The following ATP9B variants were observed in gnomAD, a reference collection of about 807,000 sequenced individuals.
ATP9B encodes ATPase phospholipid transporting 9B.
ATP9B carries 110 observed loss-of-function variants against 146.1 expected under a neutral mutation model. The observed-to-expected ratio is 0.75, with a 90% CI of 0.65 to 0.88. The LOEUF (loss-of-function observed/expected upper bound fraction) is 0.88, where lower values mean the gene tolerates loss of function less well. Among genes scored for constraint, ATP9B ranks in the 40% least tolerant of loss-of-function variants. The probability of loss-of-function intolerance (pLI) is 0.00; values close to 1 mark genes in which losing one functional copy is unlikely to be tolerated. For missense variants in ATP9B, 1,499 were observed against 1,496.4 expected (o/e 1.00, Z -0.03); for synonymous variants, 604 against 569.7 (o/e 1.06, Z -0.86).
chr18:79,141,735 T>G (rs2094516755), intron 5 of ATP9B, among the ~76,000 whole-genome samples: 1 of 152,234 alleles, frequency 6.6e-6, no homozygotes, highest in Non-Finnish European at 1.5e-5. Context: ...TTTCTGTTTT[T>G]ACCAGCCTCT....
intron 11 of ATP9B, among the ~76,000 whole-genome samples, chr18:79,235,888 C>G: frequency 6.6e-6 from 1 of 152,112 alleles, no homozygotes; most frequent in East Asian, 1.9e-4. Flanking sequence ...TATGCAGCCA[C>G]GGATTTCTAC....
intron 12 of ATP9B, among the ~76,000 whole-genome samples, chr18:79,268,868 A>G (rs2096229545): frequency 6.6e-6 from 1 of 152,066 alleles, no homozygotes; most frequent in African/African-American, 2.4e-5. Flanking sequence ...CCTTCTTGGA[A>G]AATAGTTTCA....
intron 25 of ATP9B, chr18:79,354,551 A>G (rs893149326): frequency 1.5e-5 from 2 of 131,952 alleles, no homozygotes; most frequent in African/African-American, 5.8e-5. Flanking sequence ...CCTGGGCCAC[A>G]GAGTGAGACC....
chr18:79,342,612 T>A (rs372566799), intron 20 of ATP9B, among the ~76,000 whole-genome samples: 5,898 of 151,858 alleles, frequency 0.039, 155 homozygotes, highest in Non-Finnish European at 0.05. Context: ...AAATAATTAA[T>A]TAATTAAAAA....
At chr18:79,229,749 C>T (rs1285252809) in intron 11 of ATP9B, among the ~76,000 whole-genome samples, 1 of 152,184 alleles carries the variant, frequency 6.6e-6, no homozygotes, top group African/African-American at 2.4e-5. Context: ...AAGTTACATT[C>T]TTAAACCTTA....
At chr18:79,323,848 G>A (rs950620230) in intron 15 of ATP9B, among the ~76,000 whole-genome samples, 11 of 152,178 alleles carry the variant, frequency 7.2e-5, no homozygotes, top group Admixed American at 5.2e-4. Context: ...ATTATATGGT[G>A]GCTCTGTGTT....
At chr18:79,086,429 C>G (rs1267610453) in intron 1 of ATP9B, 1 of 8,576 alleles carries the variant, frequency 1.2e-4, no homozygotes, top group African/African-American at 5.2e-4. Context: ...GAGCAAGGCT[C>G]TATCTCAAAA....
At chr18:79,304,255 T>G (rs1242259151) in intron 14 of ATP9B, among the ~76,000 whole-genome samples, 1 of 152,158 alleles carries the variant, frequency 6.6e-6, no homozygotes, top group Non-Finnish European at 1.5e-5. Context: ...TCACATTCTT[T>G]CATCTGTAAA....
At chr18:79,296,849 C>T (rs372058119) in intron 13 of ATP9B, among the ~76,000 whole-genome samples, 97 of 152,212 alleles carry the variant, frequency 6.4e-4, no homozygotes, top group Middle Eastern at 3.4e-3. Context: ...GGGAGATGCA[C>T]GCTCAGCAGC....
intron 8 of ATP9B, among the ~76,000 whole-genome samples, chr18:79,189,745 C>T (rs1185112238): frequency 6.6e-6 from 1 of 152,258 alleles, no homozygotes; most frequent in Non-Finnish European, 1.5e-5. Flanking sequence ...TGGGCAGCCA[C>T]AGCTGCAGAC....
At chr18:79,259,051 C>G (rs2145235768) in intron 12 of ATP9B, among the ~76,000 whole-genome samples, 1 of 152,248 alleles carries the variant, frequency 6.6e-6, no homozygotes. Flanking sequence ...AATCTGTTGT[C>G]CTAACACTCT....
chr18:79,164,946 C>T (rs530197188), intron 7 of ATP9B, among the ~76,000 whole-genome samples: 10 of 152,198 alleles, frequency 6.6e-5, no homozygotes, highest in African/African-American at 2.2e-4. Flanking sequence ...TTTGCATGGA[C>T]ATTTTAGTTG....
intron 19 of ATP9B, among the ~76,000 whole-genome samples, chr18:79,341,296 C>T (rs111608871): frequency 6.6e-5 from 9 of 137,094 alleles, no homozygotes; most frequent in Admixed American, 3.7e-4. Context: ...TGCCGACACA[C>T]CATTTAGTTG....
chr18:79,355,618 T>G (rs2096947214), intron 25 of ATP9B, among the ~76,000 whole-genome samples: 1 of 151,988 alleles, frequency 6.6e-6, no homozygotes, highest in African/African-American at 2.4e-5. Context: ...AAGATGGTAA[T>G]TCTACCGTTT....
chr18:79,231,803 T>TACATACATACACAC (rs1555777828), intron 11 of ATP9B, among the ~76,000 whole-genome samples: 1 of 114,758 alleles, frequency 8.7e-6, no homozygotes, highest in African/African-American at 3.4e-5. Flanking sequence ...TATATATATA[T>TACATACATACACAC]ACACACACAC....
At chr18:79,143,729 A>T (rs976856414) in intron 5 of ATP9B, 73 bp from the exon 6 acceptor site, 2 of 949,014 alleles carry the variant, frequency 2.1e-6, no homozygotes, top group Non-Finnish European at 3.1e-6. Flanking sequence ...TAAAGTAATT[A>T]TTTTTTAATT....
chr18:79,077,776 C>A (rs1329051819), intron 1 of ATP9B, among the ~76,000 whole-genome samples: 1 of 152,222 alleles, frequency 6.6e-6, no homozygotes, highest in Non-Finnish European at 1.5e-5. Context: ...GTCCTCTCTA[C>A]TTTACCCTGT....
intron 21 of ATP9B, among the ~76,000 whole-genome samples, 172 bp downstream of exon 21, chr18:79,344,526 GTC>G (rs1265025550): frequency 2.0e-5 from 3 of 152,062 alleles, no homozygotes; most frequent in African/African-American, 7.2e-5. Flanking sequence ...CCCAGTGTGT[GTC>G]TGTCTGTCCA....
intron 12 of ATP9B, chr18:79,254,150 A>C (rs1445945561): frequency 6.6e-6 from 1 of 152,348 alleles, no homozygotes; most frequent in South Asian, 2.1e-4. Context: ...TATGATTTAA[A>C]ATTTTCATAG....
Sources: gnomAD v4.1 joint callset for allele counts (sites outside exome capture counted in the v4.1 genomes callset) on GRCh38, gnomAD v4.1.1 for gene constraint, MANE v1.5 for transcripts, NCBI Gene and HGNC (gene_info 2026-07-23, HGNC 2026-07-21) for gene names.